TAF1: variants seen among roughly 807,000 people sequenced by gnomAD.
TAF1 encodes TATA-box binding protein associated factor 1, also known as transcription initiation factor TFIID subunit 1.
In TAF1, 2 loss-of-function variants were observed where a neutral mutation model predicts 138.5. The ratio of observed to expected loss-of-function variants is 0.01; its 90% CI spans 0.01 to 0.05. The LOEUF is 0.05. Among genes scored for constraint, TAF1 ranks in the 10% least tolerant of loss-of-function variants. TAF1 has a pLI of 1.00. For missense variants in TAF1, 709 were observed against 1,478.0 expected, an observed-to-expected ratio of 0.48 and a Z score of 8.53; for synonymous variants, 437 against 503.2, an observed-to-expected ratio of 0.87 and a Z score of 1.76.
At chrX:71,370,421 A>G (rs1376726593) in intron 3 of TAF1, among the ~76,000 whole-genome samples, 2 of 111,053 alleles carry the variant, frequency 1.8e-5, no homozygotes, top group Non-Finnish European at 3.8e-5. Context: ...ATCTCAGCTC[A>G]CTGCAACTTC....
At chrX:71,419,630 C>T (rs2036222906) in intron 28 of TAF1, among the ~76,000 whole-genome samples, 1 of 111,598 alleles carries the variant, frequency 9.0e-6, no homozygotes, top group African/African-American at 3.3e-5. Flanking sequence ...CCTGACTGGA[C>T]AGGAGCTGGC....
intron 25 of TAF1, among the ~76,000 whole-genome samples, chrX:71,405,911 G>C (rs747473603): frequency 1.8e-5 from 2 of 111,654 alleles, no homozygotes; most frequent in African/African-American, 3.2e-5. Flanking sequence ...GTCCCTTATA[G>C]TGGAAAAGAA....
chrX:71,377,872 T>C, intron 6 of TAF1, 51 bp downstream of exon 6: 2 of 1,049,151 alleles, frequency 1.9e-6, no homozygotes, highest in Non-Finnish European at 2.6e-6. Flanking sequence ...AACAAATGAA[T>C]TCAATGAGTT....
chrX:71,413,773 A>C (rs758753743), intron 28 of TAF1: 1 of 111,294 alleles, frequency 9.0e-6, no homozygotes, highest in Non-Finnish European at 1.9e-5. Flanking sequence ...AATTTATTCC[A>C]TCTTCACTTC....
At chrX:71,470,542 A>AATTTTTGT (rs1255054891), downstream of TAF1, among the ~76,000 whole-genome samples, 1 of 108,021 alleles carries the variant, frequency 9.3e-6, no homozygotes, top group East Asian at 3.0e-4. Context: ...AGCCCGGCCC[A>AATTTTTGT]ATTTTTGTAT....
At chrX:71,396,699 T>C (rs1383558715) in intron 22 of TAF1, among the ~76,000 whole-genome samples, 1 of 111,741 alleles carries the variant, frequency 8.9e-6, no homozygotes, top group African/African-American at 3.2e-5. Context: ...AGCAAACATG[T>C]AGTTCTTTGA....
intron 3 of TAF1, among the ~76,000 whole-genome samples, chrX:71,372,174 G>A (rs2033105067): frequency 9.0e-6 from 1 of 111,069 alleles, no homozygotes; most frequent in African/African-American, 3.3e-5. Flanking sequence ...GCTCACGCCT[G>A]TAATCCCAGC....
At chrX:71,527,665 C>G (rs2040023119) in intron 13 of TAF1, 1 of 112,950 alleles carries the variant, frequency 8.9e-6, no homozygotes. Flanking sequence ...GCCAACACTT[C>G]CCCACCTCTC....
chrX:71,371,863 TGAGAATTGAA>T (rs2033083786), intron 3 of TAF1, among the ~76,000 whole-genome samples: 1 of 112,200 alleles, frequency 8.9e-6, no homozygotes, highest in Admixed American at 9.5e-5. Flanking sequence ...CACACTTTTG[TGAGAATTGAA>T]GTTCATTATC....
At chrX:71,469,033 T>G (rs955489015), downstream of TAF1, among the ~76,000 whole-genome samples, 6 of 112,418 alleles carry the variant, frequency 5.3e-5, no homozygotes, top group Non-Finnish European at 1.1e-4. Context: ...CTGGGTGCGG[T>G]GGCTCACGCC....
At chrX:71,421,432 T>G (rs948731123) in intron 29 of TAF1, 56 bp downstream of exon 29, 2 of 984,858 alleles carry the variant, frequency 2.0e-6, no homozygotes, top group Non-Finnish European at 2.9e-6. Flanking sequence ...GGGTGGGATA[T>G]CAGGGTTTAG....
intron 34 of TAF1, among the ~76,000 whole-genome samples, chrX:71,456,649 CTTTTTTTTTTTTTTTTTTTTTTTTTTTTT>C (rs776321706): frequency 3.4e-4 from 9 of 26,828 alleles, no homozygotes; most frequent in African/African-American, 4.8e-4. Flanking sequence ...AATGTATTTT[CTTTTTTTTTTTTTTTTTTTTTTTTTTTTT>C]TTTTTTTTTT....
At chrX:71,426,657 G>A (rs1251321089) in intron 32 of TAF1, among the ~76,000 whole-genome samples, 4 of 109,611 alleles carry the variant, frequency 3.6e-5, no homozygotes, top group Middle Eastern at 9.3e-3. Flanking sequence ...GGAGGTTGCA[G>A]GGAGCCGAGA....
intron 17 of TAF1, 52 bp downstream of exon 17, chrX:71,388,920 T>C: frequency 8.7e-7 from 1 of 1,152,173 alleles, no homozygotes; most frequent in Non-Finnish European, 1.2e-6. Context: ...TTTGTTTTTT[T>C]TTTTCTTCCC....
intron 36 of TAF1, 84 bp from the exon 37 acceptor site, chrX:71,460,542 C>T: frequency 9.3e-7 from 1 of 1,076,644 alleles, no homozygotes; most frequent in Admixed American, 2.6e-5. Flanking sequence ...GTGAGAGTTA[C>T]TAGTTTGGGA....
intron 32 of TAF1, among the ~76,000 whole-genome samples, chrX:71,444,865 C>T (rs1156464432): frequency 9.0e-6 from 1 of 110,513 alleles, no homozygotes; most frequent in Non-Finnish European, 1.9e-5. Flanking sequence ...TCCTGAGTAG[C>T]TGGGACTACA....
At chrX:71,398,265 G>C (rs891877978) in intron 23 of TAF1, among the ~76,000 whole-genome samples, 4 of 110,117 alleles carry the variant, frequency 3.6e-5, no homozygotes, top group African/African-American at 1.3e-4. Context: ...TTGAACCTGG[G>C]AGGCAGAGGC....
At chrX:71,379,104 GATT>G in intron 8 of TAF1, 73 bp downstream of exon 8, 2 of 372,362 alleles carry the variant, frequency 5.4e-6, no homozygotes, top group Non-Finnish European at 8.2e-6. Context: ...GCTCAGCTGT[GATT>G]TTTTTTTTTT....
chrX:71,498,318 C>A (rs1000691760), intron 13 of TAF1, among the ~76,000 whole-genome samples: 1 of 111,564 alleles, frequency 9.0e-6, no homozygotes, highest in Non-Finnish European at 1.9e-5. Context: ...AACCATGAAC[C>A]ATTCTGCTTC....
Sources: allele counts gnomAD v4.1 joint callset (sites outside exome capture counted in the v4.1 genomes callset), GRCh38; gene constraint gnomAD v4.1.1; transcripts MANE v1.5; gene names NCBI Gene and HGNC (gene_info 2026-07-23, HGNC 2026-07-21).